The following DYM variants were observed in gnomAD, a reference collection of about 807,000 sequenced individuals.
The protein encoded by DYM is dyggve-Melchior-Clausen syndrome protein.
A neutral mutation model predicts 93.1 loss-of-function variants in DYM; 78 were observed. That is an observed-to-expected ratio of 0.84 (90% CI 0.70 to 1.01). The LOEUF is 1.01. Ranked by LOEUF, DYM falls within the 50% of genes least tolerant of loss-of-function variation. The pLI is 0.00. For synonymous variants in DYM, 321 were observed against 319.7 expected (o/e 1.00, Z -0.04); for missense variants, 789 against 845.0 (o/e 0.93, Z 0.82).
intron 17 of DYM, among the ~76,000 whole-genome samples, chr18:49,076,482 T>C (rs143337335): frequency 0.011 from 1,619 of 152,344 alleles, 27 homozygotes; most frequent in African/African-American, 0.037. Context: ...ATCATTTTTC[T>C]GGAGCCATTT....
At chr18:49,091,235 A>G (rs1333642253) in intron 17 of DYM, among the ~76,000 whole-genome samples, 2 of 152,134 alleles carry the variant, frequency 1.3e-5, no homozygotes, top group African/African-American at 2.4e-5. Context: ...TAAACAAAAT[A>G]TGAAGACCCC....
intron 6 of DYM, among the ~76,000 whole-genome samples, chr18:49,360,095 C>T (rs2065890792): frequency 6.6e-6 from 1 of 152,108 alleles, no homozygotes; most frequent in South Asian, 2.1e-4. Flanking sequence ...GGTATAAACA[C>T]ATTAAAACAC....
chr18:49,392,348 G>A (rs961500269), intron 2 of DYM, among the ~76,000 whole-genome samples: 1 of 152,000 alleles, frequency 6.6e-6, no homozygotes. Context: ...CAGACATGCT[G>A]GACTTTACCA....
rs1180936905 is a variant in DYM at position 49,409,127 on chromosome 18, T to C, written c.141-17482A>G. ...AGCGAAACCCCGTCTCTACTAAAAATACAAAAATTAGCCGAGCATGGTGGC... is the reference window on the plus strand; with the variant it reads ...AGCGAAACCCCGTCTCTACTAAAAACACAAAAATTAGCCGAGCATGGTGGC... On this transcript the variant is annotated intron_variant, in intron 2 of 17. Transcript: ENST00000675505. Among the ~76,000 whole-genome samples the C allele has an allele frequency of 2.6e-5, 4 of 151,720 alleles. No homozygotes were observed. In the South Asian group the frequency reaches 8.4e-4, roughly 32 times the overall value.
intron 13 of DYM, among the ~76,000 whole-genome samples, chr18:49,254,281 CATATATATATATATATATAT>C (rs3084549): frequency 0.18 from 24,008 of 136,392 alleles, 2,772 homozygotes; most frequent in African/African-American, 0.32. Context: ...ATCCTTGTAT[CATATATATATATATATATAT>C]ATATATATAT....
chr18:49,295,250 A>G (rs2060450488), intron 8 of DYM, among the ~76,000 whole-genome samples: 1 of 152,228 alleles, frequency 6.6e-6, no homozygotes, highest in Non-Finnish European at 1.5e-5. Flanking sequence ...CAGGACAAAC[A>G]CTGTGGCAGA....
At position 49,209,803 on chromosome 18, in the gene DYM, C is replaced by G. The variant is rs1052714749; in HGVS notation, c.1461-88G>C. The G allele has an allele frequency of 4.2e-5, 37 of 872,160 alleles. No homozygotes were observed. In the African/African-American group the frequency reaches 6.5e-4, roughly 15 times the overall value. The allele number at this position is 872,160 out of a possible 1,614,324, so 54.0% of individuals were successfully genotyped here. The stretch of plus-strand genomic sequence containing the variant: ...TCATTTTTTATGTCCTCAAAGCTTT[C>G]TGTGTATCTTCACTAGATGGTGCCC... On this transcript the variant is annotated intron_variant, in intron 13 of 17. Coordinates refer to ENST00000675505, the MANE Select transcript of DYM (RefSeq NM_001353214.3).
chr18:49,425,151 AG>A (rs1378138730), intron 2 of DYM, among the ~76,000 whole-genome samples: 1 of 152,208 alleles, frequency 6.6e-6, no homozygotes, highest in Non-Finnish European at 1.5e-5. Flanking sequence ...CTATACTACA[AG>A]GCTACAGTAA....
chr18:49,350,199 C>T (rs1177692453), intron 6 of DYM, among the ~76,000 whole-genome samples: 1 of 152,030 alleles, frequency 6.6e-6, no homozygotes, highest in Non-Finnish European at 1.5e-5. Context: ...AATTTATGTA[C>T]ATGAATATTC....
chr18:49,379,798 A>G (rs780413067), intron 3 of DYM, 40 bp from the exon 4 acceptor site: 2 of 1,483,148 alleles, frequency 1.3e-6, no homozygotes, highest in Non-Finnish European at 1.9e-6. Context: ...TAAATTTAAG[A>G]ACTAAAATCA....
chr18:49,358,339 G>C (rs80065837), intron 6 of DYM, among the ~76,000 whole-genome samples: 2 of 152,214 alleles, frequency 1.3e-5, no homozygotes, highest in African/African-American at 4.8e-5. Context: ...TCTAAAGGAA[G>C]ACAAACTGTA....
intron 15 of DYM, among the ~76,000 whole-genome samples, chr18:49,145,632 G>A (rs546070940): frequency 6.6e-6 from 1 of 152,000 alleles, no homozygotes; most frequent in Non-Finnish European, 1.5e-5. Flanking sequence ...GTATCAACCT[G>A]TCCCGAGGAT....
intron 17 of DYM, among the ~76,000 whole-genome samples, chr18:49,093,066 A>G (rs1471918066): frequency 6.6e-6 from 1 of 152,228 alleles, no homozygotes; most frequent in East Asian, 1.9e-4. Context: ...TTACCCCACG[A>G]ATATGTATTG....
At chr18:49,373,027 G>A (rs773897491) in intron 5 of DYM, among the ~76,000 whole-genome samples, 13 of 152,166 alleles carry the variant, frequency 8.5e-5, no homozygotes, top group Non-Finnish European at 1.6e-4. Context: ...AGGGTGGGGG[G>A]TGCAGGGATA....
chr18:49,146,351 T>C (rs1266631103), intron 15 of DYM, among the ~76,000 whole-genome samples: 2 of 152,246 alleles, frequency 1.3e-5, no homozygotes, highest in East Asian at 1.9e-4. Flanking sequence ...CCAGGGCAAT[T>C]AGGCAGGAGA....
intron 8 of DYM, among the ~76,000 whole-genome samples, chr18:49,328,609 T>A (rs1158885033): frequency 3.9e-5 from 6 of 151,910 alleles, no homozygotes; most frequent in African/African-American, 1.2e-4. Context: ...AACAACCCCA[T>A]CAAAAAGTGG....
intron 15 of DYM, among the ~76,000 whole-genome samples, chr18:49,149,989 G>A (rs1375284182): frequency 6.6e-6 from 1 of 152,154 alleles, no homozygotes; most frequent in Non-Finnish European, 1.5e-5. Flanking sequence ...TTACAGGCAT[G>A]AGCCACCACA....
chr18:49,141,935 G>T (rs2084543759), intron 15 of DYM, among the ~76,000 whole-genome samples: 1 of 151,886 alleles, frequency 6.6e-6, no homozygotes, highest in African/African-American at 2.4e-5. Context: ...CTCACTGCAA[G>T]CTCTGCCCCC....
chr18:49,427,381 C>A (rs900120626), intron 2 of DYM, among the ~76,000 whole-genome samples: 1 of 152,022 alleles, frequency 6.6e-6, no homozygotes, highest in Non-Finnish European at 1.5e-5. Context: ...GAAGTGGACA[C>A]CTATATTCTA....
Sources: gnomAD v4.1 joint callset for allele counts (sites outside exome capture counted in the v4.1 genomes callset) on GRCh38, gnomAD v4.1.1 for gene constraint, MANE v1.5 for transcripts, NCBI Gene and HGNC (gene_info 2026-07-23, HGNC 2026-07-21) for gene names.